TNS3: variants seen among roughly 807,000 people sequenced by gnomAD.
TNS3 encodes tensin-3.
In TNS3, 45 loss-of-function variants were observed where a neutral mutation model predicts 140.9. That is an observed-to-expected ratio of 0.32 (90% CI 0.25 to 0.41). TNS3 has a LOEUF of 0.41. TNS3 is among the 10% of genes least tolerant of loss of function. The probability of loss-of-function intolerance (pLI) is 1.00; values close to 1 mark genes in which losing one functional copy is unlikely to be tolerated. For missense variants in TNS3, 1,716 were observed against 1,906.7 expected, an observed-to-expected ratio of 0.90 and a Z score of 1.86; for synonymous variants, 815 against 788.4, an observed-to-expected ratio of 1.03 and a Z score of -0.56.
At chr7:47,291,480 C>T (rs1785696920) in intron 27 of TNS3, among the ~76,000 whole-genome samples, 1 of 146,298 alleles carries the variant, frequency 6.8e-6, no homozygotes, top group Admixed American at 7.0e-5. Flanking sequence ...GAATCTGTCA[C>T]TGCTCTAAAA....
chr7:47,416,454 C>A (rs765252827), intron 10 of TNS3, among the ~76,000 whole-genome samples: 1 of 152,184 alleles, frequency 6.6e-6, no homozygotes, highest in Non-Finnish European at 1.5e-5. Flanking sequence ...TATAGTCCAC[C>A]CACTAGGAAA....
At chr7:47,440,335 A>G (rs1171481793) in intron 5 of TNS3, among the ~76,000 whole-genome samples, 1 of 152,058 alleles carries the variant, frequency 6.6e-6, no homozygotes, top group East Asian at 1.9e-4. Flanking sequence ...GCAGACTCCT[A>G]TCAGAAGGCT....
At chr7:47,503,290 T>C (rs73695364) in intron 3 of TNS3, among the ~76,000 whole-genome samples, 2,625 of 152,134 alleles carry the variant, frequency 0.017, 78 homozygotes, top group African/African-American at 0.059. Flanking sequence ...GTTTCAAGGA[T>C]AGGATTCCCA....
chr7:47,432,767 A>T (rs531854629), intron 8 of TNS3, among the ~76,000 whole-genome samples: 23 of 152,384 alleles, frequency 1.5e-4, no homozygotes, highest in African/African-American at 4.1e-4. Flanking sequence ...CTACGTATGG[A>T]ACTGAAGTAG....
chr7:47,567,644 A>G (rs1800457970), intron 1 of TNS3, among the ~76,000 whole-genome samples: 1 of 148,324 alleles, frequency 6.7e-6, no homozygotes, highest in South Asian at 2.1e-4. Flanking sequence ...AGATCATGCC[A>G]CTGCACTCCA....
intron 10 of TNS3, 46 bp downstream of exon 10, chr7:47,424,055 A>T (rs1431162683): frequency 1.3e-6 from 2 of 1,587,624 alleles, no homozygotes; most frequent in South Asian, 2.2e-5. Context: ...TTTATATGTA[A>T]AATTTCATTC....
chr7:47,469,685 T>C (rs1471707494), intron 4 of TNS3, among the ~76,000 whole-genome samples: 8 of 152,048 alleles, frequency 5.3e-5, no homozygotes, highest in African/African-American at 1.9e-4. Flanking sequence ...AAAGAAAATG[T>C]GGTATAGGCT....
intron 22 of TNS3, 49 bp downstream of exon 22, chr7:47,302,901 C>T (rs763885884): frequency 1.3e-6 from 2 of 1,545,310 alleles, no homozygotes; most frequent in East Asian, 4.5e-5. Flanking sequence ...CTTCCCTTCC[C>T]CAGTGAATGG....
intron 28 of TNS3, among the ~76,000 whole-genome samples, chr7:47,282,070 C>A (rs1401438844): frequency 2.0e-5 from 3 of 151,832 alleles, no homozygotes; most frequent in Non-Finnish European, 4.4e-5. Flanking sequence ...ACCCTAAGTC[C>A]ACCATGTAGC....
intron 3 of TNS3, among the ~76,000 whole-genome samples, chr7:47,501,087 G>C (rs562474582): frequency 1.2e-4 from 17 of 147,462 alleles, no homozygotes; most frequent in Non-Finnish European, 2.4e-4. Flanking sequence ...AAGACAAACA[G>C]AAAGAGAGAA....
At chr7:47,420,474 C>T (rs1794316534) in intron 10 of TNS3, among the ~76,000 whole-genome samples, 1 of 152,120 alleles carries the variant, frequency 6.6e-6, no homozygotes, top group African/African-American at 2.4e-5. Flanking sequence ...GGGTACATCA[C>T]CAGAAAAGGG....
intron 17 of TNS3, among the ~76,000 whole-genome samples, chr7:47,359,347 C>T (rs1790186227): frequency 6.6e-6 from 1 of 152,124 alleles, no homozygotes; most frequent in Non-Finnish European, 1.5e-5. Context: ...TAGGCACATC[C>T]CCAGGGACAG....
intron 20 of TNS3, among the ~76,000 whole-genome samples, chr7:47,318,089 T>C (rs1787515622): frequency 1.3e-5 from 2 of 152,190 alleles, no homozygotes; most frequent in Non-Finnish European, 2.9e-5. Context: ...ATTGAAATAA[T>C]TTCCTATCCT....
chr7:47,316,094 T>TTC (rs56939479), intron 20 of TNS3, among the ~76,000 whole-genome samples: 3,229 of 105,598 alleles, frequency 0.031, 126 homozygotes, highest in Non-Finnish European at 0.043. Context: ...AACTAACTAT[T>TTC]TCTCTCTCTC....
chr7:47,435,256 C>T (rs773832763), intron 8 of TNS3, 26 bp downstream of exon 8: 17 of 1,612,630 alleles, frequency 1.1e-5, no homozygotes, highest in Admixed American at 1.7e-5. Context: ...AGCCAGACCC[C>T]CAAATGTGAG....
intron 17 of TNS3, among the ~76,000 whole-genome samples, chr7:47,354,145 C>T (rs939904588): frequency 6.6e-6 from 1 of 152,108 alleles, no homozygotes; most frequent in Non-Finnish European, 1.5e-5. Flanking sequence ...CCAAACACTA[C>T]TACAAAACTG....
chr7:47,470,080 T>C (rs1190765473), intron 4 of TNS3, among the ~76,000 whole-genome samples: 1 of 151,596 alleles, frequency 6.6e-6, no homozygotes, highest in Non-Finnish European at 1.5e-5. Flanking sequence ...TAGATGGATG[T>C]GGATGCCATA....
At chr7:47,525,646 T>A (rs939411607) in intron 2 of TNS3, among the ~76,000 whole-genome samples, 1 of 152,216 alleles carries the variant, frequency 6.6e-6, no homozygotes, top group Non-Finnish European at 1.5e-5. Context: ...TCCCTCACAA[T>A]GTGGAATATC....
chr7:47,444,417 C>G (rs983034898), intron 4 of TNS3, among the ~76,000 whole-genome samples: 1 of 152,356 alleles, frequency 6.6e-6, no homozygotes. Context: ...AACATATAAA[C>G]AGCATTATAT....
Sources: allele counts gnomAD v4.1 joint callset (sites outside exome capture counted in the v4.1 genomes callset), GRCh38; gene constraint gnomAD v4.1.1; transcripts MANE v1.5; gene names NCBI Gene and HGNC (gene_info 2026-07-23, HGNC 2026-07-21).